CDH8: variants seen among roughly 807,000 people sequenced by gnomAD.
CDH8 encodes the protein cadherin-8.
CDH8 carries 17 observed loss-of-function variants against 68.1 expected under a neutral mutation model. That is an observed-to-expected ratio of 0.25 (90% CI 0.17 to 0.37). The LOEUF is 0.37. Among genes scored for constraint, CDH8 ranks in the 10% least tolerant of loss-of-function variants. CDH8 has a pLI of 1.00. For missense variants in CDH8, 763 were observed against 999.3 expected (o/e 0.76, Z 3.19); for synonymous variants, 372 against 365.1 (o/e 1.02, Z -0.21).
At chr16:62,019,062 G>A (rs1260068261) in intron 2 of CDH8, among the ~76,000 whole-genome samples, 3 of 152,220 alleles carry the variant, frequency 2.0e-5, no homozygotes, top group African/African-American at 7.2e-5. Flanking sequence ...CACAGTCAGA[G>A]TGATATACCT....
chr16:61,734,791 T>C (rs1959630894), intron 8 of CDH8, among the ~76,000 whole-genome samples: 1 of 152,152 alleles, frequency 6.6e-6, no homozygotes, highest in African/African-American at 2.4e-5. Context: ...AAAAAAATTA[T>C]GACTTTTTCT....
chr16:61,876,548 C>G (rs1335494408), intron 3 of CDH8, among the ~76,000 whole-genome samples: 1 of 152,096 alleles, frequency 6.6e-6, no homozygotes, highest in Non-Finnish European at 1.5e-5. Context: ...GAAACTAGGT[C>G]TAAGCATGCT....
chr16:61,858,745 T>C (rs117301580), intron 3 of CDH8, among the ~76,000 whole-genome samples: 6 of 152,128 alleles, frequency 3.9e-5, no homozygotes, highest in East Asian at 1.9e-4. Context: ...TTGGACTCCA[T>C]AGGGCTCTAG....
At chr16:61,848,251 C>T (rs1962857101) in intron 4 of CDH8, among the ~76,000 whole-genome samples, 1 of 152,010 alleles carries the variant, frequency 6.6e-6, no homozygotes, top group Non-Finnish European at 1.5e-5. Flanking sequence ...CCAACTAAAC[C>T]CATCCCAACG....
chr16:61,793,840 C>T (rs1256940777), intron 7 of CDH8, among the ~76,000 whole-genome samples: 2 of 152,024 alleles, frequency 1.3e-5, no homozygotes, highest in Admixed American at 6.6e-5. Flanking sequence ...CTGCCTTCCA[C>T]GATGGTTGAA....
At chr16:61,972,571 G>GGGGGGGT (rs369833002) in intron 2 of CDH8, among the ~76,000 whole-genome samples, 1 of 131,468 alleles carries the variant, frequency 7.6e-6, no homozygotes, top group African/African-American at 2.8e-5. Flanking sequence ...ACACATTGTG[G>GGGGGGGT]GTGTGTGTGT....
At chr16:61,751,235 C>T (rs1008785986) in intron 8 of CDH8, among the ~76,000 whole-genome samples, 1 of 151,716 alleles carries the variant, frequency 6.6e-6, no homozygotes, top group African/African-American at 2.4e-5. Context: ...AAATCTCTTG[C>T]AGTTATGCAA....
intron 11 of CDH8, among the ~76,000 whole-genome samples, chr16:61,654,492 C>T (rs1963396475): frequency 6.7e-6 from 1 of 148,702 alleles, no homozygotes; most frequent in Admixed American, 6.6e-5. Flanking sequence ...AAGCTCCCTT[C>T]TATTAAAAAA....
chr16:61,750,803 T>C (rs1260317056), intron 8 of CDH8, among the ~76,000 whole-genome samples: 2 of 152,154 alleles, frequency 1.3e-5, no homozygotes, highest in Non-Finnish European at 2.9e-5. Context: ...CAGAATTTCA[T>C]AATTTCAAAT....
chr16:61,771,974 G>A (rs962763574), intron 8 of CDH8, among the ~76,000 whole-genome samples: 3 of 151,848 alleles, frequency 2.0e-5, no homozygotes, highest in African/African-American at 7.3e-5. Flanking sequence ...ATGGCAACAG[G>A]TGTGGAACAG....
intron 10 of CDH8, among the ~76,000 whole-genome samples, chr16:61,681,733 T>C (rs1964016133): frequency 6.6e-6 from 1 of 151,910 alleles, no homozygotes; most frequent in Non-Finnish European, 1.5e-5. Flanking sequence ...ATTGTCACAG[T>C]TGAATTAGCA....
intron 3 of CDH8, among the ~76,000 whole-genome samples, chr16:61,899,272 T>C (rs1963925826): frequency 6.6e-6 from 1 of 152,204 alleles, no homozygotes; most frequent in Non-Finnish European, 1.5e-5. Context: ...AATGATGGTT[T>C]CCAGCTTCAG....
intron 10 of CDH8, among the ~76,000 whole-genome samples, chr16:61,675,599 T>TA (rs1236072164): frequency 0.028 from 2,838 of 100,796 alleles, 108 homozygotes; most frequent in African/African-American, 0.11. Context: ...TAAAGTATAA[T>TA]AAAAAAAAAT....
intron 10 of CDH8, among the ~76,000 whole-genome samples, chr16:61,664,351 G>T (rs536711220): frequency 6.6e-6 from 1 of 152,024 alleles, no homozygotes; most frequent in East Asian, 1.9e-4. Flanking sequence ...TAGAGGTACA[G>T]AAATAAACTC....
At chr16:61,782,243 G>A (rs1829193360) in intron 8 of CDH8, among the ~76,000 whole-genome samples, 1 of 152,190 alleles carries the variant, frequency 6.6e-6, no homozygotes, top group Non-Finnish European at 1.5e-5. Context: ...CACCGTCCGC[G>A]AGCCGAAGCA....
At chr16:61,758,572 A>G (rs1436796191) in intron 8 of CDH8, among the ~76,000 whole-genome samples, 1 of 152,132 alleles carries the variant, frequency 6.6e-6, no homozygotes, top group Non-Finnish European at 1.5e-5. Flanking sequence ...AGCTGGGATT[A>G]CAGGTGCATG....
intron 8 of CDH8, among the ~76,000 whole-genome samples, chr16:61,776,489 C>G (rs1315206805): frequency 6.6e-6 from 1 of 152,072 alleles, no homozygotes; most frequent in Admixed American, 6.6e-5. Flanking sequence ...AGTTGCCAAC[C>G]TGGCCGGGAT....
chr16:61,664,950 T>C (rs372292723), intron 10 of CDH8, among the ~76,000 whole-genome samples: 1 of 152,012 alleles, frequency 6.6e-6, no homozygotes, highest in East Asian at 1.9e-4. Context: ...CACACAACAT[T>C]AATATAACAT....
intron 10 of CDH8, among the ~76,000 whole-genome samples, chr16:61,698,406 T>C (rs1033232814): frequency 6.6e-6 from 1 of 152,202 alleles, no homozygotes; most frequent in Non-Finnish European, 1.5e-5. Flanking sequence ...TTTCATCATG[T>C]TGCCTCCGAG....
Sources: allele counts gnomAD v4.1 joint callset (sites outside exome capture counted in the v4.1 genomes callset), GRCh38; gene constraint gnomAD v4.1.1; transcripts MANE v1.5; gene names NCBI Gene and HGNC (gene_info 2026-07-23, HGNC 2026-07-21).